PPP1R42: variants seen among roughly 807,000 people sequenced by gnomAD.
PPP1R42 encodes leucine rich repeat containing 67.
Under a neutral mutation model 31.0 loss-of-function variants are expected in PPP1R42, and 34 were observed. The observed-to-expected ratio is 1.10, with a 90% CI of 0.83 to 1.46. PPP1R42 has a LOEUF of 1.46. Ranked by LOEUF, PPP1R42 falls within the 40% of genes most tolerant of loss-of-function variation. The pLI, the probability that PPP1R42 is intolerant of heterozygous loss-of-function variation, is 0.00. For synonymous variants in PPP1R42, 103 were observed against 109.8 expected, an observed-to-expected ratio of 0.94 and a Z score of 0.39; for missense variants, 268 against 303.0, an observed-to-expected ratio of 0.88 and a Z score of 0.86.
intron 5 of PPP1R42, among the ~76,000 whole-genome samples, chr8:67,007,905 T>G (rs1158900728): frequency 5.4e-5 from 8 of 148,406 alleles, no homozygotes; most frequent in Non-Finnish European, 9.0e-5. Flanking sequence ...TTTTTTTTTT[T>G]GAGACGGAGT....
At chr8:66,980,671 C>T (rs1342207768) in intron 7 of PPP1R42, among the ~76,000 whole-genome samples, 1 of 152,182 alleles carries the variant, frequency 6.6e-6, no homozygotes. Context: ...CATAAAGCCT[C>T]ACTACAGTGT....
In PPP1R42 at chr8:67,010,707, T is replaced by C. The variant is rs754975197; in HGVS notation, c.552+8A>G. 3 of 1,535,292 alleles carry C rather than the reference T, an allele frequency of 2.0e-6. No individual in the cohort carries two copies. The highest frequency in any genetic ancestry group is 1.8e-6 in the Non-Finnish European group (2 of 1,119,128). On this transcript the variant is annotated splice_region_variant and intron_variant, in intron 5 of 7. Transcript: ENST00000685739. ...AATATCTTAAAAATTAATTTCTCTT[T>C]ACACTACCTTCACATGCAGAAGTTG...
intron 6 of PPP1R42, chr8:66,985,153 G>C (rs1814966578): frequency 5.2e-6 from 6 of 1,148,126 alleles, no homozygotes; most frequent in Non-Finnish European, 7.9e-6. Flanking sequence ...TTTTTGAGCT[G>C]CTTGTGAAAT....
intron 5 of PPP1R42, among the ~76,000 whole-genome samples, chr8:66,996,534 A>G (rs1321346009): frequency 6.6e-6 from 1 of 152,218 alleles, no homozygotes; most frequent in East Asian, 1.9e-4. Flanking sequence ...CCTACCGTAC[A>G]GCTGCTGTCC....
chr8:67,024,805 G>T (rs1816344045), intron 1 of PPP1R42, among the ~76,000 whole-genome samples: 1 of 151,994 alleles, frequency 6.6e-6, no homozygotes, highest in Non-Finnish European at 1.5e-5. Context: ...TAGAGACAGG[G>T]TTGTACCATG....
At chr8:67,024,935 ATTT>A (rs111426449) in intron 1 of PPP1R42, among the ~76,000 whole-genome samples, 21 of 133,800 alleles carry the variant, frequency 1.6e-4, no homozygotes, top group African/African-American at 3.8e-4. Context: ...TAGGATTTTA[ATTT>A]TTTTTTTTTT....
chr8:66,971,142 T>A (rs748512539), intron 7 of PPP1R42: 54 of 1,486,752 alleles, frequency 3.6e-5, no homozygotes, highest in Non-Finnish European at 4.8e-5. Context: ...TGAAGTTACC[T>A]GTAGCACACA....
chr8:66,972,371 AT>A (rs2130913621), intron 7 of PPP1R42, among the ~76,000 whole-genome samples: 1 of 152,208 alleles, frequency 6.6e-6, no homozygotes, highest in East Asian at 1.9e-4. Flanking sequence ...TTCACTTTAA[AT>A]TTTATTTTAA....
chr8:66,977,428 C>G (rs932023647), intron 7 of PPP1R42, among the ~76,000 whole-genome samples: 1 of 151,570 alleles, frequency 6.6e-6, no homozygotes. Flanking sequence ...GCTTCAAGCT[C>G]CTGGGCTCAA....
rs1378574912 is a variant in PPP1R42, at chr8:67,010,988, AT to A, written c.436-158del. ...AAAGCCATGAAATTCTTTTTATTGCATTTTTTTTTCAGATGAAAGTTTTAGA... is the reference window on the plus strand; with the variant it reads ...AAAGCCATGAAATTCTTTTTATTGCATTTTTTTTCAGATGAAAGTTTTAGA... On this transcript the variant is annotated intron_variant, in intron 4 of 7. Transcript: ENST00000685739. 4.6e-5 allele frequency among the ~76,000 whole-genome samples: 7 copies of A among 150,716 alleles called. No homozygotes were observed. In the East Asian group the frequency reaches 1.2e-3, roughly 25 times the overall value.
At chr8:66,985,930 A>G (rs1357795571) in intron 6 of PPP1R42, 2 of 817,088 alleles carry the variant, frequency 2.4e-6, no homozygotes, top group South Asian at 1.5e-5. Flanking sequence ...TGGAGAGCTC[A>G]AGAGTCATCA....
intron 6 of PPP1R42, among the ~76,000 whole-genome samples, chr8:66,987,537 C>T (rs1435578658): frequency 6.6e-6 from 1 of 152,140 alleles, no homozygotes; most frequent in Non-Finnish European, 1.5e-5. Flanking sequence ...GGCAATCCAC[C>T]TACCGCGGCC....
At chr8:66,973,150 A>G (rs1457596773) in intron 7 of PPP1R42, among the ~76,000 whole-genome samples, 10 of 152,034 alleles carry the variant, frequency 6.6e-5, no homozygotes, top group Non-Finnish European at 1.3e-4. Flanking sequence ...AGTGCTTTCC[A>G]TTTTAAATTA....
chr8:67,013,329 G>A (rs1815901106), intron 3 of PPP1R42, among the ~76,000 whole-genome samples: 1 of 151,536 alleles, frequency 6.6e-6, no homozygotes, highest in Non-Finnish European at 1.5e-5. Flanking sequence ...AAAAGTGAGC[G>A]AATTGCAACA....
chr8:66,973,285 T>C (rs1458604800), intron 7 of PPP1R42, among the ~76,000 whole-genome samples: 1 of 151,976 alleles, frequency 6.6e-6, no homozygotes, highest in African/African-American at 2.4e-5. Context: ...CTCCTTTTTT[T>C]TTTTGGTTTT....
chr8:67,002,307 C>T (rs1414552662), intron 5 of PPP1R42, among the ~76,000 whole-genome samples: 1 of 152,224 alleles, frequency 6.6e-6, no homozygotes, highest in South Asian at 2.1e-4. Context: ...TCAAGCAACT[C>T]TCCTGCCTCA....
chr8:67,023,315 T>C (rs781401666), intron 1 of PPP1R42, among the ~76,000 whole-genome samples: 18 of 152,102 alleles, frequency 1.2e-4, no homozygotes, highest in Non-Finnish European at 1.9e-4. Context: ...TTTGCCAAGT[T>C]GCCAGGGGAA....
intron 6 of PPP1R42, chr8:66,984,345 T>C (rs1814937770): frequency 7.8e-7 from 1 of 1,275,090 alleles, no homozygotes; most frequent in Admixed American, 1.7e-5. Flanking sequence ...CATGATCATC[T>C]CCCTTTGTGT....
intron 7 of PPP1R42, among the ~76,000 whole-genome samples, chr8:66,976,725 G>A (rs1360412549): frequency 1.3e-5 from 2 of 151,348 alleles, no homozygotes; most frequent in Non-Finnish European, 1.5e-5. Context: ...GCGTTGTTGC[G>A]AATAACAGGA....
Sources: allele counts gnomAD v4.1 joint callset (sites outside exome capture counted in the v4.1 genomes callset), GRCh38; gene constraint gnomAD v4.1.1; transcripts MANE v1.5; gene names NCBI Gene and HGNC (gene_info 2026-07-23, HGNC 2026-07-21).